The following NR2F1-AS1 variants were observed in gnomAD, a reference collection of about 807,000 sequenced individuals.
NR2F1-AS1 encodes NR2F1 regulatory antisense RNA 1, also known as NR2F1 antisense RNA 1.
chr5:93,559,395 T>C (rs574003589), intron 2 of NR2F1-AS1, among the ~76,000 whole-genome samples: 2 of 152,368 alleles, frequency 1.3e-5, no homozygotes, highest in African/African-American at 4.8e-5. Flanking sequence ...TTTGATCTTC[T>C]ACCCAGACCA....
chr5:93,456,379 T>C (rs1749946975), intron 4 of NR2F1-AS1, among the ~76,000 whole-genome samples: 2 of 152,262 alleles, frequency 1.3e-5, no homozygotes, highest in Non-Finnish European at 2.9e-5. Flanking sequence ...GGGAATAAAT[T>C]TAACAAACTA....
At chr5:93,428,528 C>A (rs1419035063) in intron 4 of NR2F1-AS1, among the ~76,000 whole-genome samples, 1 of 152,114 alleles carries the variant, frequency 6.6e-6, no homozygotes, top group Non-Finnish European at 1.5e-5. Flanking sequence ...TTCTATTAAA[C>A]CTGAATAGGT....
intron 4 of NR2F1-AS1, among the ~76,000 whole-genome samples, chr5:93,526,428 T>C (rs1181744432): frequency 2.0e-5 from 3 of 152,184 alleles, no homozygotes; most frequent in Non-Finnish European, 4.4e-5. Context: ...AAAGAGGATC[T>C]GGTACCATTC....
intron 1 of NR2F1-AS1, among the ~76,000 whole-genome samples, chr5:93,564,877 G>T (rs982789400): frequency 6.6e-6 from 1 of 152,070 alleles, no homozygotes; most frequent in African/African-American, 2.4e-5. Context: ...ATATCTAAAT[G>T]ACTTTCCAGG....
intron 4 of NR2F1-AS1, among the ~76,000 whole-genome samples, chr5:93,522,741 G>A (rs1011370919): frequency 1.3e-5 from 2 of 150,530 alleles, no homozygotes; most frequent in African/African-American, 2.5e-5. Context: ...GAACTGCAAG[G>A]GGTCAGGGAA....
intron 4 of NR2F1-AS1, among the ~76,000 whole-genome samples, chr5:93,488,511 CAT>C (rs1187521487): frequency 6.6e-6 from 1 of 152,194 alleles, no homozygotes; most frequent in Non-Finnish European, 1.5e-5. Flanking sequence ...CATCACTGGT[CAT>C]TAGAGAAATG....
chr5:93,529,734 T>C (rs1232493134), intron 4 of NR2F1-AS1, among the ~76,000 whole-genome samples: 2 of 152,108 alleles, frequency 1.3e-5, no homozygotes, highest in Admixed American at 6.6e-5. Flanking sequence ...TAATATAAAA[T>C]ATAAATAATA....
At chr5:93,533,584 A>G (rs1211088211) in intron 4 of NR2F1-AS1, among the ~76,000 whole-genome samples, 1 of 152,144 alleles carries the variant, frequency 6.6e-6, no homozygotes, top group African/African-American at 2.4e-5. Context: ...ATTTAGGAAA[A>G]GAGTTCTCTT....
At chr5:93,488,088 A>G (rs979158566) in intron 4 of NR2F1-AS1, among the ~76,000 whole-genome samples, 1 of 152,234 alleles carries the variant, frequency 6.6e-6, no homozygotes, top group African/African-American at 2.4e-5. Flanking sequence ...CACAAAAATT[A>G]ACTCAACATG....
At chr5:93,438,920 T>C (rs990811602) in intron 4 of NR2F1-AS1, among the ~76,000 whole-genome samples, 2 of 152,206 alleles carry the variant, frequency 1.3e-5, no homozygotes, top group Non-Finnish European at 2.9e-5. Flanking sequence ...AAAGATTTGA[T>C]GGTTATTATG....
chr5:93,465,265 G>T (rs1488396147), intron 4 of NR2F1-AS1, among the ~76,000 whole-genome samples: 1 of 152,182 alleles, frequency 6.6e-6, no homozygotes, highest in Non-Finnish European at 1.5e-5. Context: ...AGTGGGCAAA[G>T]GATATGAACA....
intron 4 of NR2F1-AS1, among the ~76,000 whole-genome samples, chr5:93,436,057 T>C (rs1749425121): frequency 6.6e-6 from 1 of 152,188 alleles, no homozygotes; most frequent in Non-Finnish European, 1.5e-5. Context: ...GCTGTTTGTA[T>C]CAATAAATAT....
intron 4 of NR2F1-AS1, among the ~76,000 whole-genome samples, chr5:93,472,824 T>C (rs1232276049): frequency 1.3e-5 from 2 of 151,952 alleles, no homozygotes; most frequent in Non-Finnish European, 1.5e-5. Context: ...TTACCTTCCC[T>C]TTAAACAAAG....
intron 4 of NR2F1-AS1, among the ~76,000 whole-genome samples, chr5:93,444,193 C>T (rs572752887): frequency 2.0e-5 from 3 of 152,160 alleles, no homozygotes; most frequent in Admixed American, 2.0e-4. Flanking sequence ...CAAATTCACA[C>T]ATAACAATAT....
intron 4 of NR2F1-AS1, among the ~76,000 whole-genome samples, chr5:93,463,172 G>A (rs1355171117): frequency 2.0e-5 from 3 of 152,208 alleles, no homozygotes; most frequent in East Asian, 3.9e-4. Flanking sequence ...CCCCCCTGCT[G>A]TATGCCACCT....
chr5:93,418,345 T>C (rs1749011488), intron 4 of NR2F1-AS1, among the ~76,000 whole-genome samples: 1 of 152,116 alleles, frequency 6.6e-6, no homozygotes. Context: ...TCCCAGCACT[T>C]TGGGAGGCCA....
chr5:93,544,105 T>C (rs572743341), intron 4 of NR2F1-AS1: 9 of 152,272 alleles, frequency 5.9e-5, no homozygotes, highest in African/African-American at 2.2e-4. Flanking sequence ...TTTGAGACTC[T>C]AGCTCAAAAA....
At chr5:93,530,894 A>AT (rs1014502021) in intron 4 of NR2F1-AS1, among the ~76,000 whole-genome samples, 3 of 151,756 alleles carry the variant, frequency 2.0e-5, no homozygotes, top group Non-Finnish European at 4.4e-5. Flanking sequence ...CTTAAGTTTA[A>AT]TTTTTTTTGA....
intron 4 of NR2F1-AS1, among the ~76,000 whole-genome samples, chr5:93,414,857 G>T (rs1015406390): frequency 6.6e-6 from 1 of 151,906 alleles, no homozygotes; most frequent in Non-Finnish European, 1.5e-5. Flanking sequence ...TGTTATGTAA[G>T]AACATTAGGC....
Sources: allele counts gnomAD v4.1 joint callset (sites outside exome capture counted in the v4.1 genomes callset), GRCh38; gene constraint gnomAD v4.1.1; transcripts MANE v1.5; gene names NCBI Gene and HGNC (gene_info 2026-07-23, HGNC 2026-07-21).